Variants in DNMT1 observed in about 807,000 individuals in gnomAD.
The protein encoded by DNMT1 is DNA methyltransferase 1, also known as DNA (cytosine-5)-methyltransferase 1.
A neutral mutation model predicts 205.3 loss-of-function variants in DNMT1; 24 were observed. The observed-to-expected ratio is 0.12, with a 90% CI of 0.08 to 0.16. DNMT1 has a LOEUF of 0.16. Ranked by LOEUF, DNMT1 falls within the 10% of genes least tolerant of loss-of-function variation. DNMT1 has a pLI of 1.00. For missense variants in DNMT1, 1,293 were observed against 2,177.7 expected (o/e 0.59, Z 8.09); for synonymous variants, 817 against 839.8 (o/e 0.97, Z 0.47).
At chr19:10,139,982 C>T in intron 33 of DNMT1, 64 bp downstream of exon 33, 1 of 1,601,006 alleles carries the variant, frequency 6.2e-7, no homozygotes, top group East Asian at 2.2e-5. Flanking sequence ...CGAAAATGAC[C>T]ACTGCTGACA....
chr19:10,148,769 A>C, intron 27 of DNMT1, 115 bp downstream of exon 27: 5 of 1,579,776 alleles, frequency 3.2e-6, no homozygotes, highest in Non-Finnish European at 2.6e-6. Context: ...TTGACGAGCA[A>C]GAGACACAAA....
rs35238334 is a variant in DNMT1 at position 10,186,838 on chromosome 19, CAAAAAAA to C, written c.81-4768_81-4762del. Among the ~76,000 whole-genome samples the C allele has an allele frequency of 2.6e-3, 182 of 70,694 alleles. 3 individuals carry two copies. The highest frequency in any genetic ancestry group is 0.01 in the African/African-American group (174 of 16,972). 46.4% of individuals were successfully genotyped at this position (70,694 alleles called of 152,430 possible). On this transcript the variant is annotated intron_variant, in intron 1 of 40. Transcript: ENST00000359526. ...GGACAACAAGAGTGAAACTCCGTCT[CAAAAAAA>C]AAAAAAAAAAAAAAGATATATATAA...
rs751346556 is a variant in DNMT1, at chr19:10,140,815, G to T, written c.3489C>A (p.Gly1163=). Reference sequence around the variant, plus strand: ...GGAATCCCTCCGACAACCCCCCGCAGCCAGAAAACACATCCAGGGTCCGCA... The same window carrying T: ...GGAATCCCTCCGACAACCCCCCGCATCCAGAAAACACATCCAGGGTCCGCA... ...PKLRTLDVFS[G]CGGLSEGFHQ... is the part of the protein sequence containing the mutation. The change falls in exon 32 of 41, where the codon GGC becomes GGA. Residue 1163 remains glycine (G), a synonymous_variant. Coordinates refer to ENST00000359526, the MANE Select transcript of DNMT1 (RefSeq NM_001130823.3). The surrounding 1 kb of genome is among the most constrained non-coding windows in gnomAD (Gnocchi z 8.4). The T allele has an allele frequency of 1.1e-5, 18 of 1,614,042 alleles. No individual in the cohort carries two copies. Among genetic ancestry groups the T allele is most frequent in the Non-Finnish European group, 1.5e-5 (18 of 1,180,036 alleles).
At chr19:10,158,008 G>A (rs1219121633) in intron 17 of DNMT1, among the ~76,000 whole-genome samples, 1 of 152,206 alleles carries the variant, frequency 6.6e-6, no homozygotes. Flanking sequence ...AATAACTCAG[G>A]CAGTCCAGCT....
At chr19:10,175,465 A>G (rs1425766638) in intron 7 of DNMT1, 75 bp downstream of exon 7, 9 of 1,567,144 alleles carry the variant, frequency 5.7e-6, no homozygotes, top group African/African-American at 2.7e-5. Context: ...TTACTTGGAC[A>G]GAACACATAT....
chr19:10,134,358 C>T (rs776732714), intron 39 of DNMT1, 51 bp from the exon 40 acceptor site: 1 of 1,573,726 alleles, frequency 6.4e-7, no homozygotes, highest in Non-Finnish European at 8.7e-7. Context: ...AGGCCCAAGG[C>T]CCGGGGGCAG....
chr19:10,146,560 G>A lies in DNMT1; in HGVS notation c.2721-36C>T. The stretch of plus-strand genomic sequence containing the variant: ...CAAAGGGACAGAAACATAAGGCCCT[G>A]AGGTGGCCGGCAGTGGCCGCAGCAG... On this transcript the variant is annotated intron_variant, in intron 27 of 40. Coordinates refer to ENST00000359526, the MANE Select transcript of DNMT1 (RefSeq NM_001130823.3). The surrounding 1 kb of genome is among the most constrained non-coding windows in gnomAD (Gnocchi z 4.4). 6.2e-7 allele frequency: 1 copy of A among 1,613,120 alleles called. No individual in the cohort carries two copies. The highest frequency in any genetic ancestry group is 8.5e-7 in the Non-Finnish European group (1 of 1,179,966).
Position 10,133,835 on chromosome 19 carries a change from G to C in DNMT1, c.4865-134C>G. The C allele has an allele frequency of 5.1e-6, 5 of 985,344 alleles. No homozygotes were observed. The highest frequency in any genetic ancestry group is 7.9e-6 in the Non-Finnish European group (5 of 634,646). The allele number at this position is 985,344 out of a possible 1,614,324, so 61.0% of individuals were successfully genotyped here. ...TTAACAGCTGACCCAATAAGTGGCAGAGTGCTAAGGGAACGTTCACGGAGA... is the reference window on the plus strand; with the variant it reads ...TTAACAGCTGACCCAATAAGTGGCACAGTGCTAAGGGAACGTTCACGGAGA... On this transcript the variant is annotated intron_variant, in intron 40 of 40. Coordinates refer to ENST00000359526, the MANE Select transcript of DNMT1 (RefSeq NM_001130823.3). This position sits in a 1 kb window ranked among gnomAD's most constrained non-coding sequence, Gnocchi z 4.1.
chr19:10,163,750 CTT>C (rs2038629181), intron 11 of DNMT1, among the ~76,000 whole-genome samples: 1 of 152,196 alleles, frequency 6.6e-6, no homozygotes, highest in African/African-American at 2.4e-5. Flanking sequence ...TCCAATAAAA[CTT>C]TATTTACAGG....
At chr19:10,150,199 T>TC (rs2038308774) in intron 24 of DNMT1, among the ~76,000 whole-genome samples, 1 of 152,152 alleles carries the variant, frequency 6.6e-6, no homozygotes, top group Non-Finnish European at 1.5e-5. Context: ...TCCATGTCCC[T>TC]CCCACTTCTG....
chr19:10,140,189 G>C lies in DNMT1; in HGVS notation c.3663C>G (p.Asn1221Lys). The change falls in exon 33 of 41, where the codon AAC (asparagine) becomes AAG (lysine). Residue 1221 changes from asparagine to lysine, a missense_variant. This residue lies in a region of DNMT1 where 24 missense variants were observed against 27.2 expected (regional missense o/e 0.88). Coordinates refer to ENST00000359526, the MANE Select transcript of DNMT1 (RefSeq NM_001130823.3). This position sits in a 1 kb window ranked among gnomAD's most constrained non-coding sequence, Gnocchi z 8.4. ...TCTGGGGCAGCCGCTGGCCGCGGGA[G>C]TTGGTGGTCTCCCCAGCCATGACCA... ...LKLVMAGETT[N>K]SRGQRLPQKG... 1 of 1,614,044 alleles carries C rather than the reference G, an allele frequency of 6.2e-7. No homozygotes were observed. Among genetic ancestry groups the C allele is most frequent in the Non-Finnish European group, 8.5e-7 (1 of 1,180,038 alleles).
chr19:10,166,539 CCAAG>C, intron 11 of DNMT1, 55 bp downstream of exon 11: 1 of 1,608,694 alleles, frequency 6.2e-7, no homozygotes, highest in Non-Finnish European at 8.5e-7. Flanking sequence ...GCACTCCCGC[CCAAG>C]CAAACAGGAG....
chr19:10,163,252 CCACCA>C (rs918267012), intron 12 of DNMT1, 69 bp downstream of exon 12: 352 of 1,541,356 alleles, frequency 2.3e-4, no homozygotes, highest in Middle Eastern at 6.7e-4. Flanking sequence ...CAGGTGCAAG[CCACCA>C]CACCTGGCCT....
chr19:10,150,019 G>A, intron 24 of DNMT1, 51 bp from the exon 25 acceptor site: 1 of 1,523,828 alleles, frequency 6.6e-7, no homozygotes, highest in Non-Finnish European at 9.1e-7. Context: ...GGTCTTTGCT[G>A]GCCTTGACTT....
chr19:10,175,695 C>G (rs1270547748), intron 6 of DNMT1, 77 bp from the exon 7 acceptor site: 4 of 1,377,324 alleles, frequency 2.9e-6, no homozygotes, highest in Non-Finnish European at 4.1e-6. Context: ...GACCCTCATT[C>G]ACCAGGATGT....
At position 10,146,293 on chromosome 19, in the gene DNMT1, AG is replaced by A; in HGVS notation, c.2894+57del. The stretch of plus-strand genomic sequence containing the variant: ...GTCTGTAAGGAGGGGGACACCACAA[AG>A]CCAGCCTGGCTCAGCCTGGAGCGCC... On this transcript the variant is annotated intron_variant, in intron 28 of 40. Coordinates refer to ENST00000359526, the MANE Select transcript of DNMT1 (RefSeq NM_001130823.3). This position sits in a 1 kb window ranked among gnomAD's most constrained non-coding sequence, Gnocchi z 4.4. The A allele has an allele frequency of 6.2e-7, 1 of 1,601,146 alleles. No homozygotes were observed. The highest frequency in any genetic ancestry group is 8.5e-7 in the Non-Finnish European group (1 of 1,173,046).
chr19:10,157,934 C>T (rs1338141226), intron 17 of DNMT1, among the ~76,000 whole-genome samples: 1 of 152,144 alleles, frequency 6.6e-6, no homozygotes, highest in African/African-American at 2.4e-5. Context: ...GTAGGCCAGA[C>T]CCCACCCATG....
intron 39 of DNMT1, among the ~76,000 whole-genome samples, 199 bp from the exon 40 acceptor site, chr19:10,134,506 G>T (rs186454513): frequency 6.6e-6 from 1 of 152,294 alleles, no homozygotes; most frequent in African/African-American, 2.4e-5. Flanking sequence ...CCATCATCCC[G>T]CCCCACAGCC....
chr19:10,156,906 C>A lies in DNMT1; in HGVS notation c.1281-397G>T, dbSNP rs1476724713. On this transcript the variant is annotated intron_variant, in intron 17 of 40. Transcript: ENST00000359526. The surrounding 1 kb of genome is among the most constrained non-coding windows in gnomAD (Gnocchi z 4.2). ...GTGCTGGGATTACAGGCTGAACCACCATGCCTGGCCCCGACACTCATTTTT... is the reference window on the plus strand; with the variant it reads ...GTGCTGGGATTACAGGCTGAACCACAATGCCTGGCCCCGACACTCATTTTT... Among the ~76,000 whole-genome samples, 1 of 152,150 alleles carries A rather than the reference C, an allele frequency of 6.6e-6. No homozygotes were observed. The highest frequency in any genetic ancestry group is 6.6e-5 in the Admixed American group (1 of 15,262).
Sources: gnomAD v4.1 joint callset for allele counts (sites outside exome capture counted in the v4.1 genomes callset) on GRCh38, gnomAD v4.1.1 for gene constraint, gnomAD v4.1.1 regional missense constraint, Gnocchi (gnomAD v3.1) non-coding constraint, MANE v1.5 for transcripts, NCBI Gene and HGNC (gene_info 2026-07-23, HGNC 2026-07-21) for gene names.